The following MYO5C variants were observed in gnomAD, a reference collection of about 807,000 sequenced individuals.
The protein encoded by MYO5C is myosin VC, also known as unconventional myosin-Vc.
MYO5C carries 194 observed loss-of-function variants against 235.7 expected under a neutral mutation model. The observed-to-expected ratio is 0.82, with a 90% CI of 0.73 to 0.93. MYO5C has a LOEUF of 0.93. MYO5C is among the 40% of genes least tolerant of loss of function. The pLI is 0.00. For missense variants in MYO5C, 2,038 were observed against 2,127.2 expected, an observed-to-expected ratio of 0.96 and a Z score of 0.82; for synonymous variants, 707 against 754.8, an observed-to-expected ratio of 0.94 and a Z score of 1.04.
At chr15:52,218,811 C>G in intron 31 of MYO5C, 124 bp from the exon 32 acceptor site, 1 of 954,536 alleles carries the variant, frequency 1.0e-6, no homozygotes. Flanking sequence ...CTGTGTAAAG[C>G]AAATAGTATT....
intron 9 of MYO5C, among the ~76,000 whole-genome samples, chr15:52,263,531 G>A (rs898226753): frequency 6.6e-6 from 1 of 152,076 alleles, no homozygotes; most frequent in Non-Finnish European, 1.5e-5. Flanking sequence ...TATGTGGTCT[G>A]CAATCCCCCT....
At chr15:52,287,692 T>A (rs2037304002) in intron 1 of MYO5C, among the ~76,000 whole-genome samples, 1 of 152,196 alleles carries the variant, frequency 6.6e-6, no homozygotes, top group Admixed American at 6.5e-5. Context: ...AAAAGGAAGT[T>A]CTGGCCAGGC....
intron 4 of MYO5C, chr15:52,277,256 G>T (rs183743738): frequency 1.9e-6 from 1 of 526,898 alleles, no homozygotes; most frequent in Non-Finnish European, 3.9e-6. Flanking sequence ...TGTTATGGCA[G>T]TTACACAGAC....
chr15:52,222,955 GCCTTGCCCACATAGTGAAAC>G (rs2035729799), intron 29 of MYO5C, among the ~76,000 whole-genome samples: 1 of 152,030 alleles, frequency 6.6e-6, no homozygotes, highest in Non-Finnish European at 1.5e-5. Flanking sequence ...TTCGAGACTA[GCCTTGCCCACATAGTGAAAC>G]CCTGTCTCTA....
intron 24 of MYO5C, among the ~76,000 whole-genome samples, chr15:52,231,468 C>T (rs1013563005): frequency 6.6e-6 from 1 of 152,142 alleles, no homozygotes; most frequent in Non-Finnish European, 1.5e-5. Context: ...GGACAGATGC[C>T]GAGAGCCGAG....
chr15:52,215,181 T>G (rs2035526166), intron 32 of MYO5C, among the ~76,000 whole-genome samples: 1 of 152,192 alleles, frequency 6.6e-6, no homozygotes, highest in Non-Finnish European at 1.5e-5. Flanking sequence ...TACATAGGAG[T>G]GCCCATCATA....
intron 1 of MYO5C, among the ~76,000 whole-genome samples, chr15:52,286,202 G>A (rs75702839): frequency 0.21 from 31,329 of 151,024 alleles, 3,857 homozygotes; most frequent in African/African-American, 0.34. Flanking sequence ...CCCGGCAGCC[G>A]CCCCGTCCGG....
chr15:52,245,713 C>T (rs1429134391), intron 17 of MYO5C, among the ~76,000 whole-genome samples: 1 of 152,176 alleles, frequency 6.6e-6, no homozygotes, highest in Non-Finnish European at 1.5e-5. Context: ...ACGGGGGAGG[C>T]GGTGGGGCCA....
chr15:52,236,528 T>C (rs2036089455), intron 22 of MYO5C, among the ~76,000 whole-genome samples: 1 of 152,074 alleles, frequency 6.6e-6, no homozygotes, highest in African/African-American at 2.4e-5. Context: ...TACAAAAAAT[T>C]AGCCGGGCGT....
chr15:52,232,236 A>G lies in MYO5C; in HGVS notation c.3026+386T>C, dbSNP rs1451275991. 5.4e-4 allele frequency among the ~76,000 whole-genome samples: 65 copies of G among 120,178 alleles called. 14 individuals carry two copies. The highest frequency in any genetic ancestry group is 2.2e-3 in the African/African-American group (61 of 27,464). 78.8% of individuals were successfully genotyped at this position (120,178 alleles called of 152,430 possible). On this transcript the variant is annotated intron_variant, in intron 24 of 40. Coordinates refer to ENST00000261839, the MANE Select transcript of MYO5C (RefSeq NM_018728.4). ...AGAAAGAAAATGAAAGAAAGAAGAA[A>G]GAAAGAAGGAAGGAGAGAAGGAAGG...
intron 39 of MYO5C, among the ~76,000 whole-genome samples, chr15:52,196,050 A>G (rs1334345320): frequency 1.4e-5 from 2 of 141,722 alleles, no homozygotes; most frequent in African/African-American, 5.3e-5. Context: ...GGCTCAGGCA[A>G]TCCTCCCACC....
At position 52,232,683 on chromosome 15, in the gene MYO5C, T is replaced by C. The variant is rs2035992692; in HGVS notation, c.2965A>G (p.Lys989Glu). ...AGCTGCTTGGTGAGGTTGTCCATTT[T>C]TTCTGTAAAAAGAGAATGCTTTTTG... ...LQEKTEELKE[K>E]MDNLTKQLFD... is the part of the protein sequence containing the mutation. Residue 989 changes from lysine to glutamate, a missense_variant and splice_region_variant, in exon 24 of 41, where the codon AAA becomes GAA. Lys to Glu is a moderately conservative substitution (Grantham distance 56). Transcript: ENST00000261839. 6.2e-7 allele frequency: 1 copy of C among 1,613,802 alleles called. No individual in the cohort carries two copies. Among genetic ancestry groups the C allele is most frequent in the South Asian group, 1.1e-5 (1 of 91,072 alleles).
At chr15:52,245,308 T>C in intron 18 of MYO5C, 46 bp downstream of exon 18, 1 of 1,232,640 alleles carries the variant, frequency 8.1e-7, no homozygotes, top group Non-Finnish European at 1.2e-6. Flanking sequence ...TTGGGAGATG[T>C]GCTTCCAGGA....
At position 52,237,463 on chromosome 15, in the gene MYO5C, TCA is replaced by T. The variant is rs2036111375; in HGVS notation, c.2868+17_2868+18del. The T allele has an allele frequency of 6.2e-7, 1 of 1,609,996 alleles. No homozygotes were observed. Among genetic ancestry groups the T allele is most frequent in the Admixed American group, 1.7e-5 (1 of 59,504 alleles). On this transcript the variant is annotated intron_variant, in intron 22 of 40. Coordinates refer to ENST00000261839, the MANE Select transcript of MYO5C (RefSeq NM_018728.4). ...AGAGTCCGCATATTTCCATCCCGTC[TCA>T]CACGCCCGCAGCTGACCTCTTCCAC...
chr15:52,280,228 C>T (rs902534798), intron 2 of MYO5C, among the ~76,000 whole-genome samples: 4 of 152,188 alleles, frequency 2.6e-5, no homozygotes, highest in Non-Finnish European at 4.4e-5. Context: ...GTGGTCTCTC[C>T]GTGAAAGGCC....
At position 52,205,083 on chromosome 15, in the gene MYO5C, C is replaced by G. The variant is rs1210442051; in HGVS notation, c.4602G>C (p.Arg1534=). The G allele has an allele frequency of 6.2e-7, 1 of 1,614,226 alleles. No individual in the cohort carries two copies. The highest frequency in any genetic ancestry group is 1.3e-5 in the African/African-American group (1 of 75,062). Residue 1534 remains arginine (R), a synonymous_variant, in exon 38 of 41, where the codon CGG becomes CGC. Transcript: ENST00000261839. ...TGTCGTCTATGCTAGAGGAGCGCTTCCGGAAGCCTGTGGGCTTCAGGCCGG... is the reference window on the plus strand; with the variant it reads ...TGTCGTCTATGCTAGAGGAGCGCTTGCGGAAGCCTGTGGGCTTCAGGCCGG... ...GISGLKPTGF[R]KRSSSIDDTD...
intron 1 of MYO5C, among the ~76,000 whole-genome samples, chr15:52,286,221 TG>T (rs1190815536): frequency 1.6e-4 from 22 of 135,746 alleles, no homozygotes; most frequent in Admixed American, 5.8e-4. Flanking sequence ...GGGAGGGAGG[TG>T]GGGGGTCAGC....
intron 36 of MYO5C, among the ~76,000 whole-genome samples, chr15:52,206,630 T>C (rs932248339): frequency 1.3e-5 from 2 of 152,094 alleles, no homozygotes; most frequent in African/African-American, 4.8e-5. Flanking sequence ...ATGGAGAAAG[T>C]GGCTGTCAGC....
intron 5 of MYO5C, among the ~76,000 whole-genome samples, chr15:52,273,348 T>C (rs2036966229): frequency 6.6e-6 from 1 of 152,116 alleles, no homozygotes; most frequent in Non-Finnish European, 1.5e-5. Context: ...AAAAAGTTAA[T>C]TCATCTTTCC....
Sources: allele counts gnomAD v4.1 joint callset (sites outside exome capture counted in the v4.1 genomes callset), GRCh38; gene constraint gnomAD v4.1.1; transcripts MANE v1.5; gene names NCBI Gene and HGNC (gene_info 2026-07-23, HGNC 2026-07-21).